Variants in CPNE7 observed in about 807,000 individuals in gnomAD.
CPNE7 encodes the protein copine 7.
In CPNE7, 78 loss-of-function variants were observed where a neutral mutation model predicts 66.5. The observed-to-expected ratio is 1.17, with a 90% CI of 0.98 to 1.42. The LOEUF (loss-of-function observed/expected upper bound fraction) is 1.42, where lower values mean the gene tolerates loss of function less well. Among genes scored for constraint, CPNE7 ranks in the 40% most tolerant of loss-of-function variants. The pLI is 0.00. For missense variants in CPNE7, 1,012 were observed against 776.6 expected, an observed-to-expected ratio of 1.30 and a Z score of -3.60; for synonymous variants, 468 against 336.7, an observed-to-expected ratio of 1.39 and a Z score of -4.27.
At chr16:89,595,102 T>C (rs1296712997) in intron 13 of CPNE7, among the ~76,000 whole-genome samples, 1 of 151,986 alleles carries the variant, frequency 6.6e-6, no homozygotes, top group Non-Finnish European at 1.5e-5. Context: ...AAATGTAGAC[T>C]TCGTAGCACC....
At chr16:89,586,524 T>C in intron 7 of CPNE7, 146 bp from the exon 8 acceptor site, 2 of 636,082 alleles carry the variant, frequency 3.1e-6, no homozygotes, top group Non-Finnish European at 5.6e-6. Flanking sequence ...CTCTGCCCCT[T>C]CCTGCTGCCC....
chr16:89,588,599 G>A lies in CPNE7; in HGVS notation c.928-76G>A, dbSNP rs186137455. 1.2e-3 allele frequency: 1,966 copies of A among 1,585,822 alleles called. 26 individuals carry two copies. The Admixed American group carries it at 0.026, about 21-fold the overall frequency. On this transcript the variant is annotated intron_variant, in intron 9 of 14. Coordinates refer to ENST00000319518, the MANE Select transcript of CPNE7 (RefSeq NM_153636.3). ...ACCCTGAGTCCTGGCCACTCTGGGC[G>A]TGGTTTCTCTACCTGTCAGGAGCGG... is the stretch of plus-strand genomic sequence containing the variant.
chr16:89,588,598 C>T (rs752715575), intron 9 of CPNE7, 77 bp from the exon 10 acceptor site: 470 of 1,580,814 alleles, frequency 3.0e-4, no homozygotes, highest in Middle Eastern at 7.8e-4. Flanking sequence ...CCACTCTGGG[C>T]GTGGTTTCTC....
In CPNE7 at chr16:89,595,580, G is replaced by A. The variant is rs936806127; in HGVS notation, c.1516G>A (p.Val506Met). ...EPALRDIVQF[V>M]PFRELKNASP... The stretch of plus-strand genomic sequence containing the variant: ...CGCGCTCCGGGACATCGTACAGTTC[G>A]TGCCCTTCCGGGAGCTCAAGAACGT... Residue 506 changes from valine (V) to methionine (M), a missense_variant, in exon 14 of 15, where the codon GTG becomes ATG. Val to Met is a conservative substitution (Grantham distance 21, BLOSUM62 1). Transcript: ENST00000319518. 1.2e-5 allele frequency: 19 copies of A among 1,607,004 alleles called. No homozygotes were observed. Among genetic ancestry groups the A allele is most frequent in the South Asian group, 6.6e-5 (6 of 90,804 alleles).
At chr16:89,591,753 G>A (rs2059173173) in intron 13 of CPNE7, among the ~76,000 whole-genome samples, 2 of 151,456 alleles carry the variant, frequency 1.3e-5, no homozygotes, top group African/African-American at 2.4e-5. Flanking sequence ...AGGCTGGAGT[G>A]CAGTGATGTG....
chr16:89,592,766 T>C (rs1307371518), intron 13 of CPNE7, among the ~76,000 whole-genome samples: 1 of 150,820 alleles, frequency 6.6e-6, no homozygotes, highest in Non-Finnish European at 1.5e-5. Context: ...TGTGATAAAA[T>C]ATGCACAGTT....
rs561085539 is a variant in CPNE7 at position 89,595,249 on chromosome 16, G to A, written c.1303-118G>A. On this transcript the variant is annotated intron_variant, in intron 13 of 14. Transcript: ENST00000319518. ...GATGTAGGCATCACACTCTGAAGGC[G>A]GTTCTAGGAAGCTCTGACGCACGGA... 1.8e-4 allele frequency: 137 copies of A among 748,626 alleles called. No homozygotes were observed. In the East Asian group the frequency reaches 1.9e-3, roughly 11 times the overall value. 46.4% of individuals were successfully genotyped at this position (748,626 alleles called of 1,614,324 possible). A position where few individuals can be genotyped will look rare whatever the true frequency, so the allele number is the denominator to read the frequency against.
At chr16:89,580,539 G>A (rs573933524) in intron 2 of CPNE7, among the ~76,000 whole-genome samples, 12 of 130,906 alleles carry the variant, frequency 9.2e-5, no homozygotes, top group Non-Finnish European at 1.5e-4. Flanking sequence ...CCCATCACCC[G>A]TCACATGGAA....
chr16:89,591,082 G>C (rs752622143), intron 12 of CPNE7, 24 bp downstream of exon 12: 13 of 1,613,418 alleles, frequency 8.1e-6, no homozygotes, highest in Non-Finnish European at 1.1e-5. Context: ...GCAGGCCTGG[G>C]GAGGGGAGTG....
In CPNE7 at chr16:89,588,711, C is replaced by A. The variant is rs145109453; in HGVS notation, c.964C>A (p.Arg322=). 6.0e-5 allele frequency: 97 copies of A among 1,613,316 alleles called. No individual in the cohort carries two copies. The highest frequency in any genetic ancestry group is 8.2e-5 in the Non-Finnish European group (97 of 1,179,956). The change falls in exon 10 of 15, where the codon CGG becomes AGG. Residue 322 remains arginine (R), a synonymous_variant. Transcript: ENST00000319518. ...IDFTASNGDP[R]NSCSLHYINP... ...CTTCACCGCCTCCAATGGAGACCCG[C>A]GGAACAGCTGCTCCCTGCACTACAT...
rs2058852688 is a variant in CPNE7 at position 89,575,913 on chromosome 16, G to A, written c.16G>A (p.Glu6Lys). Residue 6 changes from glutamate (E) to lysine (K), a missense_variant, in exon 1 of 15, where the codon GAG becomes AAG. Glu to Lys is a moderately conservative substitution (Grantham distance 56, BLOSUM62 1). Coordinates refer to ENST00000319518, the MANE Select transcript of CPNE7 (RefSeq NM_153636.3). ...CGCCGGGAGCATGAGCGCGGGCTCG[G>A]AGCGCGGGGCGGCGGCAACCCCCGG... is the stretch of plus-strand genomic sequence containing the variant. MSAGS[E>K]RGAAATPGGL... 1.6e-6 allele frequency: 2 copies of A among 1,247,550 alleles called. No individual in the cohort carries two copies. The highest frequency in any genetic ancestry group is 2.0e-6 in the Non-Finnish European group (2 of 995,044). 77.3% of individuals were successfully genotyped at this position (1,247,550 alleles called of 1,614,324 possible).
chr16:89,591,085 G>T, intron 12 of CPNE7, 27 bp downstream of exon 12: 1 of 1,613,438 alleles, frequency 6.2e-7, no homozygotes, highest in Non-Finnish European at 8.5e-7. Context: ...GGCCTGGGGA[G>T]GGGAGTGCAG....
intron 8 of CPNE7, 38 bp from the exon 9 acceptor site, chr16:89,587,004 TC>T (rs2059052451): frequency 6.4e-7 from 1 of 1,558,148 alleles, no homozygotes; most frequent in African/African-American, 1.4e-5. Context: ...GGCCTCAGTG[TC>T]CCTGGCGGGG....
intron 14 of CPNE7, chr16:89,595,944 G>C (rs2059248359): frequency 3.8e-6 from 2 of 527,348 alleles, no homozygotes; most frequent in Non-Finnish European, 7.3e-6. Context: ...TACCCGCCGA[G>C]ACACACACAG....
intron 9 of CPNE7, among the ~76,000 whole-genome samples, chr16:89,588,293 A>G (rs2059115918): frequency 6.6e-6 from 1 of 152,342 alleles, no homozygotes; most frequent in South Asian, 2.1e-4. Context: ...CGAGCCCCAG[A>G]ATGGCTTTGG....
intron 11 of CPNE7, among the ~76,000 whole-genome samples, chr16:89,590,527 A>G (rs1335030851): frequency 1.3e-5 from 2 of 151,978 alleles, no homozygotes; most frequent in Non-Finnish European, 2.9e-5. Context: ...TCTGTTTTAA[A>G]AAAGAAAAAA....
chr16:89,576,797 C>T (rs1202386363), intron 1 of CPNE7, among the ~76,000 whole-genome samples: 1 of 152,158 alleles, frequency 6.6e-6, no homozygotes, highest in Non-Finnish European at 1.5e-5. Flanking sequence ...GCTGCTCGGG[C>T]GGTGGAAGGG....
At chr16:89,586,827 G>C in intron 8 of CPNE7, 71 bp downstream of exon 8, 2 of 1,400,198 alleles carry the variant, frequency 1.4e-6, no homozygotes, top group Non-Finnish European at 2.0e-6. Context: ...CTGATTGTTG[G>C]ATGGACCCTC....
chr16:89,586,517 T>C (rs947639859), intron 7 of CPNE7, among the ~76,000 whole-genome samples, 153 bp from the exon 8 acceptor site: 15 of 151,714 alleles, frequency 9.9e-5, no homozygotes, highest in African/African-American at 3.4e-4. Flanking sequence ...TGACCCACTC[T>C]GCCCCTTCCT....
Sources: gnomAD v4.1 joint callset for allele counts (sites outside exome capture counted in the v4.1 genomes callset) on GRCh38, gnomAD v4.1.1 for gene constraint, MANE v1.5 for transcripts, NCBI Gene and HGNC (gene_info 2026-07-23, HGNC 2026-07-21) for gene names.